Variants in SCN10A observed in about 807,000 individuals in gnomAD.
The protein encoded by SCN10A is sodium channel protein type 10 subunit alpha.
In SCN10A, 162 loss-of-function variants were observed where a neutral mutation model predicts 170.7. The observed-to-expected ratio is 0.95, with a 90% CI of 0.84 to 1.08. The LOEUF (loss-of-function observed/expected upper bound fraction) is 1.08, where lower values mean the gene tolerates loss of function less well. Among genes scored for constraint, SCN10A ranks in the 50% least tolerant of loss-of-function variants. The probability of loss-of-function intolerance (pLI) is 0.00; values close to 1 mark genes in which losing one functional copy is unlikely to be tolerated. For missense variants in SCN10A, 2,527 were observed against 2,436.9 expected (o/e 1.04, Z -0.78); for synonymous variants, 985 against 904.6 (o/e 1.09, Z -1.59).
chr3:38,770,192 G>C (rs2063982291), intron 5 of SCN10A, among the ~76,000 whole-genome samples: 1 of 152,202 alleles, frequency 6.6e-6, no homozygotes, highest in African/African-American at 2.4e-5. Flanking sequence ...TTGACCTCCA[G>C]CCGGTAGGTG....
chr3:38,697,389 T>G lies in SCN10A; in HGVS notation c.5831A>C (p.Asp1944Ala). 1 of 1,614,182 alleles carries G rather than the reference T, an allele frequency of 6.2e-7. No homozygotes were observed. Among genetic ancestry groups the G allele is most frequent in the African/African-American group, 1.3e-5 (1 of 75,060 alleles). The stretch of plus-strand genomic sequence containing the variant: ...AATCAGCTCCATACTGGTGGCTTCA[T>G]CTTCATTTTGTATTGAGCTAGATGT... ...MRTSSSIQNE[D>A]EATSMELIAP... Residue 1944 changes from aspartate to alanine, a missense_variant, in exon 28 of 28, where the codon GAT (aspartate) becomes GCT (alanine). Asp to Ala is a moderately radical substitution (Grantham distance 126). Transcript: ENST00000449082.
chr3:38,704,147 C>A (rs2063185255), intron 26 of SCN10A, among the ~76,000 whole-genome samples: 1 of 152,108 alleles, frequency 6.6e-6, no homozygotes, highest in Non-Finnish European at 1.5e-5. Flanking sequence ...AGCTGCACAG[C>A]AAGCAGAGGG....
rs772406653 is a variant in SCN10A, at chr3:38,755,940, T to C, written c.1309A>G (p.Ile437Val). ...KEQEVLAALG[I>V]DTTSLHSHNG... ...TGGGAGTGGAGAGAGGTTGTGTCAATCCCTAGTGCTGCTAGCACCTGCGAA... is the reference window on the plus strand; with the variant it reads ...TGGGAGTGGAGAGAGGTTGTGTCAACCCCTAGTGCTGCTAGCACCTGCGAA... The change falls in exon 11 of 28, where the codon ATT (isoleucine) becomes GTT (valine). Residue 437 changes from isoleucine to valine, a missense_variant. Ile to Val is a conservative substitution (Grantham distance 29). Transcript: ENST00000449082. 2 of 1,614,214 alleles carry C rather than the reference T, an allele frequency of 1.2e-6. No individual in the cohort carries two copies. Among genetic ancestry groups the C allele is most frequent in the South Asian group, 2.2e-5 (2 of 91,086 alleles).
chr3:38,699,298 A>G (rs1341237416), intron 27 of SCN10A, among the ~76,000 whole-genome samples: 1 of 151,414 alleles, frequency 6.6e-6, no homozygotes, highest in African/African-American at 2.4e-5. Flanking sequence ...CCCAACTCCA[A>G]CTATGAACAA....
chr3:38,773,291 G>A (rs541210169), intron 4 of SCN10A, among the ~76,000 whole-genome samples: 1 of 152,152 alleles, frequency 6.6e-6, no homozygotes, highest in African/African-American at 2.4e-5. Flanking sequence ...GCAGCATAGA[G>A]AGACTTTGTC....
At position 38,718,670 on chromosome 3, in the gene SCN10A, C is replaced by G. The variant is rs759804091; in HGVS notation, c.3664G>C (p.Asp1222His). The change falls in exon 21 of 28, where the codon GAC becomes CAC. Residue 1222 changes from aspartate (D) to histidine (H), a missense_variant. Physicochemically the swap from Asp to His is moderately conservative, Grantham distance 81. Transcript: ENST00000449082. Reference sequence around the variant, plus strand: ...CCACTCACATTCACAATGAGGAAGTCCAGCCAGCACCAGGCATTGGTGAAG... The same window carrying G: ...CCACTCACATTCACAATGAGGAAGTGCAGCCAGCACCAGGCATTGGTGAAG... ...KYFTNAWCWL[D>H]FLIVNISLIS... is the part of the protein sequence containing the mutation. The G allele has an allele frequency of 3.7e-6, 6 of 1,614,172 alleles. No homozygotes were observed. In the Admixed American group the frequency reaches 8.3e-5, roughly 22 times the overall value.
At chr3:38,752,533 G>A (rs2063760964) in intron 11 of SCN10A, 21 bp from the exon 12 acceptor site, 2 of 1,518,774 alleles carry the variant, frequency 1.3e-6, no homozygotes, top group South Asian at 1.3e-5. Context: ...CCCCAAAGGA[G>A]CAAGAAGGCT....
intron 11 of SCN10A, among the ~76,000 whole-genome samples, chr3:38,752,977 A>G (rs2063765819): frequency 6.6e-6 from 1 of 152,202 alleles, no homozygotes; most frequent in African/African-American, 2.4e-5. Flanking sequence ...ATTGTCTGAA[A>G]ATTAGGTAGT....
chr3:38,698,347 C>A lies in SCN10A; in HGVS notation c.4873G>T (p.Gly1625Cys), dbSNP rs776389291. The A allele has an allele frequency of 6.2e-7, 1 of 1,613,892 alleles. No individual in the cohort carries two copies. The highest frequency in any genetic ancestry group is 2.2e-5 in the East Asian group (1 of 44,862). The stretch of plus-strand genomic sequence containing the variant: ...CTCACATGGGGAAAGCTGGACATAC[C>A]GAAGATAGAGTAGATGAACATGACA... ...FLVMFIYSIF[G>C]MSSFPHVRWE... Residue 1625 changes from glycine (G) to cysteine (C), a missense_variant, in exon 28 of 28, where the codon GGT becomes TGT. By Grantham distance (159) the Gly-to-Cys change is radical. Coordinates refer to ENST00000449082, the MANE Select transcript of SCN10A (RefSeq NM_006514.4).
intron 2 of SCN10A, 123 bp downstream of exon 2, chr3:38,793,618 T>C: frequency 2.3e-6 from 2 of 865,318 alleles, no homozygotes; most frequent in Non-Finnish European, 3.6e-6. Flanking sequence ...TTTTTTTGGT[T>C]GTTAACGGAA....
chr3:38,755,605 C>G (rs950167094), intron 11 of SCN10A, among the ~76,000 whole-genome samples, 183 bp downstream of exon 11: 18 of 152,134 alleles, frequency 1.2e-4, no homozygotes, highest in African/African-American at 4.3e-4. Flanking sequence ...ATAATTCACC[C>G]CTTTTCCCCA....
chr3:38,705,784 G>T (rs1326858114), intron 26 of SCN10A, among the ~76,000 whole-genome samples: 1 of 152,108 alleles, frequency 6.6e-6, no homozygotes, highest in Admixed American at 6.5e-5. Context: ...CTTGGCATCT[G>T]GCTCAAATGT....
At chr3:38,737,753 TCTCC>T (rs1319858070) in intron 15 of SCN10A, among the ~76,000 whole-genome samples, 160 of 82,648 alleles carry the variant, frequency 1.9e-3, no homozygotes, top group African/African-American at 5.0e-3. Flanking sequence ...TCCCTCTCTC[TCTCC>T]CTCCCTCCCT....
chr3:38,780,576 G>A (rs1400694100), intron 4 of SCN10A, among the ~76,000 whole-genome samples: 9 of 151,870 alleles, frequency 5.9e-5, no homozygotes, highest in African/African-American at 2.2e-4. Flanking sequence ...GTTGAAATTT[G>A]CCGTTTGATA....
At position 38,752,404 on chromosome 3, in the gene SCN10A, C is replaced by T; in HGVS notation, c.1570G>A (p.Gly524Arg). Residue 524 changes from glycine to arginine, a missense_variant, in exon 12 of 28, where the codon GGA becomes AGA. Transcript: ENST00000449082. ...CTTTCGTGGTCTCCAGGAAAGACTCCATCATCTGTGACTCCCTCAGGGAGT... is the reference window on the plus strand; with the variant it reads ...CTTTCGTGGTCTCCAGGAAAGACTCTATCATCTGTGACTCCCTCAGGGAGT... ...ISLPEGVTDDGVFPGDHESHR... is the reference protein window; with the variant it reads ...ISLPEGVTDDRVFPGDHESHR... 6.2e-7 allele frequency: 1 copy of T among 1,613,904 alleles called. No individual in the cohort carries two copies. The highest frequency in any genetic ancestry group is 1.3e-5 in the African/African-American group (1 of 75,036).
intron 4 of SCN10A, among the ~76,000 whole-genome samples, chr3:38,775,927 G>A (rs1354620818): frequency 6.6e-6 from 1 of 152,030 alleles, no homozygotes; most frequent in Non-Finnish European, 1.5e-5. Flanking sequence ...TGACTCTATA[G>A]TTTTGTTGTC....
chr3:38,784,044 T>G (rs775181164), intron 4 of SCN10A, among the ~76,000 whole-genome samples: 10 of 152,128 alleles, frequency 6.6e-5, no homozygotes, highest in Non-Finnish European at 1.2e-4. Flanking sequence ...ATTTTACAAG[T>G]GGTTGTTCTG....
intron 1 of SCN10A, among the ~76,000 whole-genome samples, chr3:38,806,698 G>C (rs924470286): frequency 6.6e-6 from 1 of 152,022 alleles, no homozygotes; most frequent in African/African-American, 2.4e-5. Flanking sequence ...GCATAATATA[G>C]ACCTTAATAT....
intron 19 of SCN10A, among the ~76,000 whole-genome samples, chr3:38,722,783 A>G (rs1178290186): frequency 6.6e-6 from 1 of 152,184 alleles, no homozygotes; most frequent in African/African-American, 2.4e-5. Context: ...GAGGGCCACG[A>G]CGTGGCTGGG....
Sources: gnomAD v4.1 joint callset for allele counts (sites outside exome capture counted in the v4.1 genomes callset) on GRCh38, gnomAD v4.1.1 for gene constraint, MANE v1.5 for transcripts, NCBI Gene and HGNC (gene_info 2026-07-23, HGNC 2026-07-21) for gene names.